The following MIA2 variants were observed in gnomAD, a reference collection of about 807,000 sequenced individuals.
MIA2 encodes the protein MIA SH3 domain ER export factor 2, also known as melanoma inhibitory activity protein 2.
In MIA2, 127 loss-of-function variants were observed where a neutral mutation model predicts 167.8. The observed-to-expected ratio is 0.76, with a 90% CI of 0.66 to 0.88. MIA2 has a LOEUF of 0.88. MIA2 is among the 40% of genes least tolerant of loss of function. The pLI is 0.00. For missense variants in MIA2, 1,690 were observed against 1,624.7 expected, an observed-to-expected ratio of 1.04 and a Z score of -0.69; for synonymous variants, 552 against 541.9, an observed-to-expected ratio of 1.02 and a Z score of -0.26.
At chr14:39,280,605 T>C (rs1210233839) in intron 9 of MIA2, among the ~76,000 whole-genome samples, 1 of 151,960 alleles carries the variant, frequency 6.6e-6, no homozygotes, top group Non-Finnish European at 1.5e-5. Context: ...TGGTGGTGGG[T>C]ACCTGTAGTC....
Position 39,326,949 on chromosome 14 carries a change from T to G in MIA2, c.3582T>G (p.His1194Gln). 6.3e-7 allele frequency: 1 copy of G among 1,593,364 alleles called. No individual in the cohort carries two copies. Among genetic ancestry groups the G allele is most frequent in the Non-Finnish European group, 8.5e-7 (1 of 1,171,230 alleles). ...ESSCDRLTDPHRAPSDTGSLS... is the reference protein window; with the variant it reads ...ESSCDRLTDPQRAPSDTGSLS... ...GCTGTGATAGGTTAACCGATCCTCA[T>G]AGGGCTCCCTCTGACACTGGGTCTC... The change falls in exon 25 of 29, where the codon CAT becomes CAG. Residue 1194 changes from histidine (H) to glutamine (Q), a missense_variant. Transcript: ENST00000640607.
intron 25 of MIA2, among the ~76,000 whole-genome samples, chr14:39,335,175 T>C (rs931145585): frequency 1.3e-5 from 2 of 152,208 alleles, no homozygotes; most frequent in African/African-American, 2.4e-5. Context: ...GGTTGACTTA[T>C]TGGGACTCAT....
rs143404451 is a variant in MIA2 at position 39,240,565 on chromosome 14, G to A, written c.254G>A (p.Gly85Glu). The change falls in exon 3 of 29, where the codon GGA (glycine) becomes GAA (glutamate). Residue 85 changes from glycine to glutamate, a missense_variant. By Grantham distance (98) the Gly-to-Glu change is moderately conservative. Transcript: ENST00000640607. ...EREDLWAGSK[G>E]KEFGYFPRDA... ...CTTTGTTCTTCATTTTGACAGAAAG[G>A]AAAGGAGTTTGGATATTTTCCCAGA... 6.8e-5 allele frequency: 109 copies of A among 1,608,826 alleles called. No homozygotes were observed. The African/African-American group carries it at 6.9e-4, about 10-fold the overall frequency.
At chr14:39,340,319 TAA>T (rs1385396450) in intron 25 of MIA2, among the ~76,000 whole-genome samples, 1 of 152,228 alleles carries the variant, frequency 6.6e-6, no homozygotes, top group Non-Finnish European at 1.5e-5. Context: ...AATCATGAGT[TAA>T]GTGTGGTTGC....
intron 6 of MIA2, among the ~76,000 whole-genome samples, chr14:39,258,224 C>T (rs1202851257): frequency 1.3e-5 from 2 of 152,156 alleles, no homozygotes; most frequent in African/African-American, 2.4e-5. Context: ...GGTACACCAA[C>T]CAATCATAGA....
intron 23 of MIA2, among the ~76,000 whole-genome samples, chr14:39,357,777 G>T (rs759967069): frequency 2.3e-4 from 35 of 152,144 alleles, no homozygotes; most frequent in Non-Finnish European, 4.0e-4. Flanking sequence ...GCATTTGCTT[G>T]TCTGTAAAGT....
At chr14:39,383,474 C>G (rs1329456206) in intron 23 of MIA2, among the ~76,000 whole-genome samples, 1 of 152,154 alleles carries the variant, frequency 6.6e-6, no homozygotes, top group Non-Finnish European at 1.5e-5. Flanking sequence ...CTCCCTACTT[C>G]CTAAGATACA....
intron 23 of MIA2, among the ~76,000 whole-genome samples, chr14:39,365,650 CCTATCTAT>C (rs3065047): frequency 0.053 from 7,876 of 147,882 alleles, 259 homozygotes; most frequent in Middle Eastern, 0.13. Context: ...TTTAAAAATA[CCTATCTAT>C]CTATCTATCT....
intron 3 of MIA2, 107 bp downstream of exon 3, chr14:39,240,754 A>G: frequency 1.5e-6 from 1 of 668,992 alleles, no homozygotes; most frequent in Non-Finnish European, 2.5e-6. Flanking sequence ...TAGTAAATGC[A>G]TAAAATAGTT....
intron 18 of MIA2, 111 bp downstream of exon 18, chr14:39,308,698 T>G: frequency 1.1e-6 from 1 of 897,138 alleles, no homozygotes; most frequent in Non-Finnish European, 1.6e-6. Flanking sequence ...ATGATTAGAT[T>G]GTATTTCATC....
At chr14:39,280,388 T>C (rs2058740555) in intron 9 of MIA2, among the ~76,000 whole-genome samples, 1 of 151,830 alleles carries the variant, frequency 6.6e-6, no homozygotes, top group African/African-American at 2.4e-5. Context: ...TAAGTAGTAG[T>C]GGAATTGGTA....
chr14:39,304,985 A>T (rs1398934553), intron 17 of MIA2, among the ~76,000 whole-genome samples: 1 of 152,208 alleles, frequency 6.6e-6, no homozygotes, highest in Non-Finnish European at 1.5e-5. Flanking sequence ...ATAAAGATTT[A>T]CCATATGCGT....
At chr14:39,338,922 A>G (rs2071128362) in intron 25 of MIA2, among the ~76,000 whole-genome samples, 1 of 152,218 alleles carries the variant, frequency 6.6e-6, no homozygotes, top group East Asian at 1.9e-4. Context: ...GTGAGGTATC[A>G]TAATTTATTA....
At chr14:39,272,791 G>A (rs866131870) in intron 6 of MIA2, among the ~76,000 whole-genome samples, 3 of 152,162 alleles carry the variant, frequency 2.0e-5, no homozygotes, top group Non-Finnish European at 2.9e-5. Context: ...GCCCATGGAC[G>A]TGGATTGGCT....
intron 21 of MIA2, among the ~76,000 whole-genome samples, chr14:39,316,059 T>G (rs2065362048): frequency 6.6e-6 from 1 of 152,230 alleles, no homozygotes; most frequent in South Asian, 2.1e-4. Flanking sequence ...TTTGGGCCTA[T>G]TTCCTCATTT....
intron 23 of MIA2, chr14:39,385,971 G>T: frequency 1.2e-6 from 1 of 825,406 alleles, no homozygotes; most frequent in Non-Finnish European, 2.1e-6. Context: ...GAGCCTGTCC[G>T]CCACCATTTG....
At chr14:39,331,246 C>G (rs1045494897) in intron 25 of MIA2, among the ~76,000 whole-genome samples, 1 of 151,976 alleles carries the variant, frequency 6.6e-6, no homozygotes, top group African/African-American at 2.4e-5. Flanking sequence ...TTGTTGGTTT[C>G]AAGTCTTTTT....
chr14:39,359,260 C>G lies in MIA2; in HGVS notation c.2248+10283C>G, dbSNP rs186422135. 8.9e-4 allele frequency among the ~76,000 whole-genome samples: 135 copies of G among 152,286 alleles called. 2 individuals carry two copies. In the East Asian group the frequency reaches 0.024, roughly 27 times the overall value. The stretch of plus-strand genomic sequence containing the variant: ...TCAAGCCTCAGCAATGGCGGGCACC[C>G]CTCCCCCAGCCTTGCTGTCGCCTTG... On this transcript the variant is annotated intron_variant, in intron 23 of 23. Transcript: ENST00000341502.
At chr14:39,245,836 C>T (rs2054278007) in intron 3 of MIA2, among the ~76,000 whole-genome samples, 1 of 152,126 alleles carries the variant, frequency 6.6e-6, no homozygotes, top group African/African-American at 2.4e-5. Flanking sequence ...TCACCTCTCA[C>T]CAGGCCTCAC....
Sources: gnomAD v4.1 joint callset for allele counts (sites outside exome capture counted in the v4.1 genomes callset) on GRCh38, gnomAD v4.1.1 for gene constraint, MANE v1.5 for transcripts, NCBI Gene and HGNC (gene_info 2026-07-23, HGNC 2026-07-21) for gene names.